RBFOX1: variants seen among roughly 807,000 people sequenced by gnomAD.
RBFOX1 encodes RNA binding fox-1 homolog 1.
RBFOX1 carries 8 observed loss-of-function variants against 57.7 expected under a neutral mutation model. That is an observed-to-expected ratio of 0.14 (90% confidence interval 0.08 to 0.25). RBFOX1 has a LOEUF of 0.25. RBFOX1 is among the 10% of genes least tolerant of loss of function. The probability of loss-of-function intolerance (pLI) is 1.00; values close to 1 mark genes in which losing one functional copy is unlikely to be tolerated. For synonymous variants in RBFOX1, 326 were observed against 222.4 expected (o/e 1.47, Z -4.15); for missense variants, 611 against 548.5 (o/e 1.11, Z -1.14).
chr16:5,958,763 A>G (rs990945576), intron 4 of RBFOX1, among the ~76,000 whole-genome samples: 8 of 152,200 alleles, frequency 5.3e-5, no homozygotes, highest in Non-Finnish European at 1.0e-4. Context: ...TGCCTTGTCT[A>G]GCTTCTGGCA....
chr16:6,442,659 C>T (rs1428793814), intron 2 of RBFOX1, among the ~76,000 whole-genome samples: 1 of 152,096 alleles, frequency 6.6e-6, no homozygotes, highest in Non-Finnish European at 1.5e-5. Flanking sequence ...ATGCAGAAGT[C>T]GCCAGAAACA....
chr16:5,344,608 C>A (rs1047876352), intron 1 of RBFOX1, among the ~76,000 whole-genome samples: 3 of 152,126 alleles, frequency 2.0e-5, no homozygotes, highest in African/African-American at 7.2e-5. Flanking sequence ...TTTTCCCCCT[C>A]CCCCGGCTGT....
At chr16:5,357,701 GTGTCCC>G (rs2065430273) in intron 1 of RBFOX1, among the ~76,000 whole-genome samples, 1 of 152,170 alleles carries the variant, frequency 6.6e-6, no homozygotes, top group Non-Finnish European at 1.5e-5. Flanking sequence ...AGGCCTGGCT[GTGTCCC>G]TGTCCTTGGA....
At chr16:6,042,103 T>G (rs1449043799) in intron 1 of RBFOX1, among the ~76,000 whole-genome samples, 1 of 69,544 alleles carries the variant, frequency 1.4e-5, no homozygotes, top group African/African-American at 4.0e-5. Context: ...TCTCTCCTAC[T>G]TTTTTTTTTT....
intron 3 of RBFOX1, among the ~76,000 whole-genome samples, chr16:6,925,402 G>C (rs1249960974): frequency 4.6e-5 from 7 of 151,814 alleles, no homozygotes; most frequent in Non-Finnish European, 7.4e-5. Flanking sequence ...CGGGATTATA[G>C]GAGTGAGCCA....
intron 4 of RBFOX1, among the ~76,000 whole-genome samples, chr16:5,992,789 C>G (rs747382695): frequency 2.6e-5 from 4 of 152,092 alleles, no homozygotes; most frequent in Admixed American, 2.6e-4. Context: ...CAAAAATTAG[C>G]TGGGCATGGT....
chr16:6,014,112 T>TA (rs1224700759), upstream of RBFOX1, among the ~76,000 whole-genome samples: 2 of 152,042 alleles, frequency 1.3e-5, no homozygotes, highest in African/African-American at 4.8e-5. Flanking sequence ...TAAAGTATAA[T>TA]AAAAAAATTA....
At chr16:7,378,350 G>A (rs908780007) in intron 4 of RBFOX1, among the ~76,000 whole-genome samples, 5 of 152,144 alleles carry the variant, frequency 3.3e-5, no homozygotes, top group Non-Finnish European at 5.9e-5. Flanking sequence ...GGGATTGAGA[G>A]TATGTGTTTG....
intron 3 of RBFOX1, among the ~76,000 whole-genome samples, chr16:5,720,735 T>G (rs1182683712): frequency 2.0e-5 from 3 of 152,226 alleles, no homozygotes. Context: ...AATCACTTAT[T>G]CGTAAATAAA....
intron 3 of RBFOX1, among the ~76,000 whole-genome samples, chr16:6,756,092 G>C (rs770219174): frequency 4.1e-4 from 62 of 152,124 alleles, no homozygotes; most frequent in Non-Finnish European, 8.5e-4. Context: ...CTTTTTGCAA[G>C]TTTTATTTGG....
intron 4 of RBFOX1, among the ~76,000 whole-genome samples, chr16:7,455,812 A>G (rs2058395380): frequency 6.7e-6 from 1 of 148,976 alleles, no homozygotes; most frequent in Non-Finnish European, 1.5e-5. Context: ...GAAAAAAAAG[A>G]AAAAAAAAAC....
chr16:6,718,885 CAG>C (rs1279530182), intron 3 of RBFOX1, among the ~76,000 whole-genome samples: 1 of 151,938 alleles, frequency 6.6e-6, no homozygotes, highest in African/African-American at 2.4e-5. Flanking sequence ...TTTTTTGAGA[CAG>C]AGTCTTGTAC....
In RBFOX1 at chr16:6,446,462, C is replaced by T. The variant is rs529061654; in HGVS notation, c.-64+129405C>T. On this transcript the variant is annotated intron_variant, in intron 2 of 15. Coordinates refer to ENST00000550418, the MANE Select transcript of RBFOX1 (RefSeq NM_018723.4). ...TTAAAAAAATTTCTCATGTAAGGGA[C>T]ATTCAAGTAACATAGAAGGGACCAG... Among the ~76,000 whole-genome samples the T allele has an allele frequency of 3.3e-5, 5 of 152,156 alleles. No individual in the cohort carries two copies. In the East Asian group the frequency reaches 5.8e-4, roughly 18 times the overall value.
chr16:5,487,433 C>T (rs746473371), intron 2 of RBFOX1, among the ~76,000 whole-genome samples: 7 of 152,132 alleles, frequency 4.6e-5, no homozygotes, highest in East Asian at 1.9e-4. Flanking sequence ...GCTGACAGCA[C>T]GAGTTGGCTT....
intron 3 of RBFOX1, among the ~76,000 whole-genome samples, chr16:6,769,994 C>A (rs988840626): frequency 2.6e-5 from 4 of 152,062 alleles, no homozygotes; most frequent in Admixed American, 1.3e-4. Flanking sequence ...TATGAGATGG[C>A]TATTTTTAAA....
At chr16:6,551,118 C>G (rs1403187628) in intron 2 of RBFOX1, among the ~76,000 whole-genome samples, 1 of 152,292 alleles carries the variant, frequency 6.6e-6, no homozygotes, top group East Asian at 1.9e-4. Flanking sequence ...GGTTACAGAG[C>G]TCAACTCTCT....
At chr16:7,236,888 CTGT>C (rs1024727925) in intron 4 of RBFOX1, among the ~76,000 whole-genome samples, 3 of 152,078 alleles carry the variant, frequency 2.0e-5, no homozygotes, top group African/African-American at 7.2e-5. Context: ...TCTAGAATGG[CTGT>C]TGTTGGGAGG....
rs116594905 is a variant in RBFOX1 at position 5,789,972 on chromosome 16, C to A, written c.319-77331C>A. Among the ~76,000 whole-genome samples, 596 of 152,304 alleles carry A rather than the reference C, an allele frequency of 3.9e-3. 4 individuals carry two copies. The highest frequency in any genetic ancestry group is 0.013 in the African/African-American group (560 of 41,554). On this transcript the variant is annotated intron_variant, in intron 3 of 19. Coordinates refer to the RBFOX1 transcript ENST00000641259. ...CTATAACAGATAGACCTCTACACCT[C>A]ACGGGCTTCATGCAGGAAAAGTTTA...
At chr16:5,999,819 G>T (rs1395769946) in intron 4 of RBFOX1, among the ~76,000 whole-genome samples, 1 of 113,776 alleles carries the variant, frequency 8.8e-6, no homozygotes. Context: ...AGAGATCGCA[G>T]ATCGCACCAC....
Sources: gnomAD v4.1 joint callset for allele counts (sites outside exome capture counted in the v4.1 genomes callset) on GRCh38, gnomAD v4.1.1 for gene constraint, MANE v1.5 for transcripts, NCBI Gene and HGNC (gene_info 2026-07-23, HGNC 2026-07-21) for gene names.